PMM2: variants seen among roughly 807,000 people sequenced by gnomAD.
The protein encoded by PMM2 is mannose-6-phosphate isomerase.
PMM2 carries 35 observed loss-of-function variants against 33.2 expected under a neutral mutation model. The observed-to-expected ratio is 1.06, with a 90% CI of 0.81 to 1.40. The LOEUF is 1.40. PMM2 is among the 40% of genes most tolerant of loss of function. The pLI is 0.00. For missense variants in PMM2, 386 were observed against 306.0 expected (o/e 1.26, Z -1.95); for synonymous variants, 153 against 114.7 (o/e 1.33, Z -2.13).
chr16:8,847,783 G>A lies in PMM2; in HGVS notation c.699G>A (p.Ala233=), dbSNP rs375881270. The part of the protein sequence containing the change: ...DPRTMGYSVT[A]PEDTRRICEL... ...GAACCATGGGCTACTCCGTGACAGC[G>A]CCTGAGGACACGCGCAGGATCTGTG... is the stretch of plus-strand genomic sequence containing the variant. The change falls in exon 8 of 8, where the codon GCG becomes GCA. Residue 233 remains alanine, a synonymous_variant. Coordinates refer to ENST00000268261, the MANE Select transcript of PMM2 (RefSeq NM_000303.3). 11 of 1,613,862 alleles carry A rather than the reference G, an allele frequency of 6.8e-6. 1 individual carries two copies. Among genetic ancestry groups the A allele is most frequent in the African/African-American group, 2.7e-5 (2 of 74,916 alleles).
Position 8,827,719 on chromosome 16 carries a change from CATATAT to C in PMM2, c.639+14650_639+14655del, listed in dbSNP as rs60052078. Among the ~76,000 whole-genome samples, 554 of 66,808 alleles carry C rather than the reference CATATAT, an allele frequency of 8.3e-3. 11 individuals carry two copies. The highest frequency in any genetic ancestry group is 0.021 in the African/African-American group (343 of 16,436). 43.8% of individuals were successfully genotyped at this position (66,808 alleles called of 152,430 possible). ...CCCACAAAGGCCTTTTAAATGTGTGCATATATATATATATATATATATATATATATA... is the reference window on the plus strand; with the variant it reads ...CCCACAAAGGCCTTTTAAATGTGTGCATATATATATATATATATATATATA... On this transcript the variant is annotated intron_variant, in intron 7 of 7. Coordinates refer to ENST00000268261, the MANE Select transcript of PMM2 (RefSeq NM_000303.3).
At position 8,847,573 on chromosome 16, in the gene PMM2, C is replaced by G. The variant is rs574266342; in HGVS notation, c.640-151C>G. ...CTTAATAACAATTGTACTCACGTTC[C>G]TCTCCTGGAAACTAAGAGGAAGGTA... On this transcript the variant is annotated intron_variant, in intron 7 of 7. Coordinates refer to ENST00000268261, the MANE Select transcript of PMM2 (RefSeq NM_000303.3). 6.4e-5 allele frequency: 44 copies of G among 682,282 alleles called. No individual in the cohort carries two copies. The Middle Eastern group carries it at 7.8e-4, about 12-fold the overall frequency. The allele number at this position is 682,282 out of a possible 1,614,324, so 42.3% of individuals were successfully genotyped here.
At chr16:8,827,880 A>G (rs1234715377) in intron 7 of PMM2, among the ~76,000 whole-genome samples, 2 of 80,936 alleles carry the variant, frequency 2.5e-5, no homozygotes, top group African/African-American at 4.6e-5. Flanking sequence ...TATATGTTAT[A>G]TAATATATGA....
chr16:8,848,723 C>T lies in PMM2; in HGVS notation c.*898C>T, dbSNP rs1290214673. ...TGGCTGGCTTCCTGGAGGCGTTCGC[C>T]TCTAGTTTCTCAGGGATGGAGCGAG... On this transcript the variant is annotated 3_prime_UTR_variant, in exon 8 of 8. Coordinates refer to ENST00000268261, the MANE Select transcript of PMM2 (RefSeq NM_000303.3). 3 of 152,266 alleles carry T rather than the reference C, an allele frequency of 2.0e-5. No homozygotes were observed. Among genetic ancestry groups the T allele is most frequent in the African/African-American group, 7.2e-5 (3 of 41,454 alleles). The allele number at this position is 152,266 out of a possible 1,614,324, so 9.4% of individuals were successfully genotyped here. A position where few individuals can be genotyped will look rare whatever the true frequency, so the allele number is the denominator to read the frequency against.
intron 6 of PMM2, among the ~76,000 whole-genome samples, chr16:8,811,980 C>G (rs951969616): frequency 6.6e-6 from 1 of 152,200 alleles, no homozygotes; most frequent in African/African-American, 2.4e-5. Flanking sequence ...CTGGACTCCT[C>G]TCATCAAAAG....
intron 7 of PMM2, chr16:8,832,688 A>C: frequency 2.0e-6 from 2 of 985,390 alleles, no homozygotes; most frequent in Non-Finnish European, 2.4e-6. Context: ...CGTTCTCCAG[A>C]AAGATCCTGT....
chr16:8,844,534 A>G (rs1480727682), intron 7 of PMM2, among the ~76,000 whole-genome samples: 1 of 152,078 alleles, frequency 6.6e-6, no homozygotes, highest in East Asian at 1.9e-4. Flanking sequence ...AGAGACACGG[A>G]AAGAAGGGGT....
At chr16:8,802,513 A>G in intron 2 of PMM2, 1 of 296,992 alleles carries the variant, frequency 3.4e-6, no homozygotes, top group South Asian at 3.0e-5. Flanking sequence ...CCATAGCCAC[A>G]GGGCCTCCTG....
rs2060600688 is a variant in PMM2 at position 8,799,614 on chromosome 16, C to G, written c.66+1666C>G. ...CCAGACTGGAGTGTAGTGGCCCAAT[C>G]TCAGTTCACTGCAACCTCCACCTCC... On this transcript the variant is annotated intron_variant, in intron 1 of 7. Transcript: ENST00000268261. Among the ~76,000 whole-genome samples, 3 of 151,894 alleles carry G rather than the reference C, an allele frequency of 2.0e-5. No individual in the cohort carries two copies. In the South Asian group the frequency reaches 6.2e-4, roughly 32 times the overall value.
rs8044518 is a variant in PMM2, at chr16:8,819,682, G to A, written c.639+6576G>A. ...TGCACTCCAGCCTAGGCAACAGAGC[G>A]AGACCTCGTCTCTTAAAAAAAAAAA... On this transcript the variant is annotated intron_variant, in intron 7 of 7. Coordinates refer to ENST00000268261, the MANE Select transcript of PMM2 (RefSeq NM_000303.3). Among the ~76,000 whole-genome samples the A allele has an allele frequency of 1.0e-4, 15 of 146,294 alleles. No individual in the cohort carries two copies. In the South Asian group the frequency reaches 2.2e-3, roughly 21 times the overall value.
chr16:8,806,355 T>G lies in PMM2; in HGVS notation c.295T>G (p.Leu99Val). ...TCTGGGTGAGGCCCTAATCCAAGAT[T>G]TAATCAACTACTGTCTGAGCTACAT... is the stretch of plus-strand genomic sequence containing the variant. ...SHLGEALIQD[L>V]INYCLSYIAK... The change falls in exon 4 of 8, where the codon TTA (leucine) becomes GTA (valine). Residue 99 changes from leucine (L) to valine (V), a missense_variant. By Grantham distance (32) the Leu-to-Val change is conservative. Transcript: ENST00000268261. 1 of 1,613,206 alleles carries G rather than the reference T, an allele frequency of 6.2e-7. No homozygotes were observed. The highest frequency in any genetic ancestry group is 1.3e-5 in the African/African-American group (1 of 75,016).
chr16:8,830,849 G>T (rs1455091869), intron 7 of PMM2, among the ~76,000 whole-genome samples: 1 of 152,220 alleles, frequency 6.6e-6, no homozygotes, highest in Non-Finnish European at 1.5e-5. Context: ...TTTCAAAGTT[G>T]AACTATAGGC....
chr16:8,817,246 C>T (rs2060713423), intron 7 of PMM2, among the ~76,000 whole-genome samples: 1 of 152,202 alleles, frequency 6.6e-6, no homozygotes, highest in African/African-American at 2.4e-5. Context: ...TAACCACATC[C>T]TTTTGTTGAA....
intron 7 of PMM2, among the ~76,000 whole-genome samples, chr16:8,827,929 TAA>T (rs2060786525): frequency 1.5e-5 from 1 of 67,980 alleles, no homozygotes; most frequent in African/African-American, 5.4e-5. Context: ...GTTTTATATA[TAA>T]TATATATTTA....
intron 7 of PMM2, among the ~76,000 whole-genome samples, chr16:8,845,041 A>G (rs370097684): frequency 5.3e-4 from 81 of 152,334 alleles, no homozygotes; most frequent in African/African-American, 1.2e-3. Flanking sequence ...ATGCGCGTCC[A>G]TGTGAAGAGA....
At chr16:8,803,322 G>C (rs1029041827) in intron 2 of PMM2, among the ~76,000 whole-genome samples, 1 of 152,014 alleles carries the variant, frequency 6.6e-6, no homozygotes, top group Non-Finnish European at 1.5e-5. Context: ...CGCATACTGG[G>C]GATCACGAAG....
chr16:8,818,903 C>A (rs1326153230), intron 7 of PMM2, among the ~76,000 whole-genome samples: 1 of 149,876 alleles, frequency 6.7e-6, no homozygotes, highest in Non-Finnish European at 1.5e-5. Flanking sequence ...AGAGAGCACA[C>A]ACCACACATG....
At chr16:8,828,149 A>G (rs1004290983) in intron 7 of PMM2, among the ~76,000 whole-genome samples, 9 of 149,648 alleles carry the variant, frequency 6.0e-5, no homozygotes, top group African/African-American at 2.5e-5. Context: ...AGCAAAATTA[A>G]TAAGTCTTAT....
At chr16:8,802,361 G>C (rs1360145916) in intron 2 of PMM2, 1 of 445,824 alleles carries the variant, frequency 2.2e-6, no homozygotes, top group Non-Finnish European at 4.5e-6. Flanking sequence ...TGACTTGATA[G>C]GTCTGTGGAG....
Sources: gnomAD v4.1 joint callset for allele counts (sites outside exome capture counted in the v4.1 genomes callset) on GRCh38, gnomAD v4.1.1 for gene constraint, MANE v1.5 for transcripts, NCBI Gene and HGNC (gene_info 2026-07-23, HGNC 2026-07-21) for gene names.